Variants in NUP210 observed in about 807,000 individuals in gnomAD.
NUP210 encodes nuclear pore membrane glycoprotein 210.
NUP210 carries 151 observed loss-of-function variants against 196.0 expected under a neutral mutation model. The observed-to-expected ratio is 0.77, with a 90% CI of 0.67 to 0.88. The LOEUF (loss-of-function observed/expected upper bound fraction) is 0.88, where lower values mean the gene tolerates loss of function less well. Ranked by LOEUF, NUP210 falls within the 40% of genes least tolerant of loss-of-function variation. The pLI is 0.00. For synonymous variants in NUP210, 1,070 were observed against 1,052.7 expected, an observed-to-expected ratio of 1.02 and a Z score of -0.32; for missense variants, 2,314 against 2,493.7, an observed-to-expected ratio of 0.93 and a Z score of 1.53.
In NUP210 at chr3:13,321,719, TGGA is replaced by T. The variant is rs1173322965; in HGVS notation, c.5029_5031del (p.Ser1677del). The stretch of plus-strand genomic sequence containing the variant: ...GGCACCTCGGCCCCCACCTGCTCTG[TGGA>T]GAAGTGGCTGCTGGAGAGGGAGGCA... On this transcript the variant is annotated inframe_deletion, in exon 36 of 40. Coordinates refer to ENST00000254508, the MANE Select transcript of NUP210 (RefSeq NM_024923.4). The T allele has an allele frequency of 2.5e-6, 4 of 1,614,028 alleles. No homozygotes were observed. The highest frequency in any genetic ancestry group is 3.4e-6 in the Non-Finnish European group (4 of 1,180,040).
intron 12 of NUP210, among the ~76,000 whole-genome samples, chr3:13,372,992 A>G (rs1265542717): frequency 2.0e-5 from 3 of 152,172 alleles, no homozygotes; most frequent in African/African-American, 7.2e-5. Flanking sequence ...CTCCATGAGA[A>G]TCAGGCCTCA....
At chr3:13,407,064 C>T (rs1700028301) in intron 1 of NUP210, among the ~76,000 whole-genome samples, 1 of 152,230 alleles carries the variant, frequency 6.6e-6, no homozygotes, top group Non-Finnish European at 1.5e-5. Flanking sequence ...GCTAACCTCC[C>T]TGGGCTGCCA....
At chr3:13,395,597 C>G (rs1033666844) in intron 3 of NUP210, among the ~76,000 whole-genome samples, 1 of 152,220 alleles carries the variant, frequency 6.6e-6, no homozygotes, top group Admixed American at 6.5e-5. Context: ...GAATTGCAGG[C>G]ATGAGCCACT....
rs369787977 is a variant in NUP210 at position 13,397,307 on chromosome 3, G to A, written c.436+50C>T. On this transcript the variant is annotated intron_variant, in intron 3 of 39. Transcript: ENST00000254508. ...AGAGAGGCCAGAGTCATGGTGGGGG[G>A]ATGATCTAGCATGGGCTGCAGAAGA... The A allele has an allele frequency of 2.4e-5, 38 of 1,578,774 alleles. No individual in the cohort carries two copies. The African/African-American group carries it at 4.3e-4, about 18-fold the overall frequency.
chr3:13,337,160 A>C, intron 26 of NUP210: 1 of 404,294 alleles, frequency 2.5e-6, no homozygotes, highest in Non-Finnish European at 4.7e-6. Context: ...CAAGATACTC[A>C]TTTCCGGAAG....
chr3:13,397,302 G>C (rs774683005), intron 3 of NUP210, 55 bp downstream of exon 3: 4 of 1,572,296 alleles, frequency 2.5e-6, no homozygotes, highest in Admixed American at 1.9e-5. Flanking sequence ...GAGTCATGGT[G>C]GGGGGATGAT....
In NUP210 at chr3:13,347,235, C is replaced by T. The variant is rs771738994; in HGVS notation, c.2836-3932G>A. The T allele has an allele frequency of 1.6e-5, 16 of 985,132 alleles. No individual in the cohort carries two copies. Among genetic ancestry groups the T allele is most frequent in the Non-Finnish European group, 1.9e-5 (16 of 829,798 alleles). The allele number at this position is 985,132 out of a possible 1,614,324, so 61.0% of individuals were successfully genotyped here. A position where few individuals can be genotyped will look rare whatever the true frequency, so the allele number is the denominator to read the frequency against. On this transcript the variant is annotated intron_variant, in intron 20 of 39. Transcript: ENST00000254508. This position sits in a 1 kb window ranked among gnomAD's most constrained non-coding sequence, Gnocchi z 4.7. ...CCCCGGCTTCATTCCCTCCTGAATCCGCAGTGCTTAACACAGCACCTGGCA... is the reference window on the plus strand; with the variant it reads ...CCCCGGCTTCATTCCCTCCTGAATCTGCAGTGCTTAACACAGCACCTGGCA...
chr3:13,379,531 C>A lies in NUP210; in HGVS notation c.976+32G>T, dbSNP rs544974095. On this transcript the variant is annotated intron_variant, in intron 7 of 39. Transcript: ENST00000254508. The surrounding 1 kb of genome is among the most constrained non-coding windows in gnomAD (Gnocchi z 4.2). ...ACTTCCAAACAGCAGCTCCGCCATG[C>A]CTAAGAACACACAAGCCCAAGAAAA... 14 of 1,613,748 alleles carry A rather than the reference C, an allele frequency of 8.7e-6. No individual in the cohort carries two copies. The highest frequency in any genetic ancestry group is 1.1e-5 in the Non-Finnish European group (13 of 1,179,918).
chr3:13,348,854 G>A lies in NUP210; in HGVS notation c.2835+3025C>T, dbSNP rs1399244564. 10 of 985,296 alleles carry A rather than the reference G, an allele frequency of 1.0e-5. No individual in the cohort carries two copies. In the African/African-American group the frequency reaches 1.6e-4, roughly 15 times the overall value. The allele number at this position is 985,296 out of a possible 1,614,324, so 61.0% of individuals were successfully genotyped here. On this transcript the variant is annotated intron_variant, in intron 20 of 39. Transcript: ENST00000254508. The surrounding 1 kb of genome is among the most constrained non-coding windows in gnomAD (Gnocchi z 4.0). ...TGGAGACCAACATCAAACGCTGAAG[G>A]AAGGTTTTCGAAAACACCCCAAACA...
chr3:13,353,145 C>T (rs912611617), intron 18 of NUP210, among the ~76,000 whole-genome samples: 1 of 152,144 alleles, frequency 6.6e-6, no homozygotes, highest in Non-Finnish European at 1.5e-5. Flanking sequence ...CACGGGACCC[C>T]AGCCTCTTTC....
chr3:13,353,014 G>A (rs903349008), intron 18 of NUP210, among the ~76,000 whole-genome samples: 11 of 151,918 alleles, frequency 7.2e-5, no homozygotes, highest in African/African-American at 2.7e-4. Flanking sequence ...AGGCCGTGAC[G>A]CCCCCTCACT....
intron 3 of NUP210, among the ~76,000 whole-genome samples, chr3:13,392,160 T>G (rs184834241): frequency 6.6e-6 from 1 of 152,294 alleles, no homozygotes; most frequent in Admixed American, 6.5e-5. Context: ...AGCTGTTTTC[T>G]ACAGTGCAAA....
At chr3:13,405,236 C>T (rs149053756) in intron 1 of NUP210, among the ~76,000 whole-genome samples, 38 of 152,228 alleles carry the variant, frequency 2.5e-4, no homozygotes, top group African/African-American at 7.5e-4. Flanking sequence ...AATCAGGTAA[C>T]GGCCTGAACA....
Position 13,330,507 on chromosome 3 carries a change from C to T in NUP210, c.4063G>A (p.Ala1355Thr). 2 of 1,614,220 alleles carry T rather than the reference C, an allele frequency of 1.2e-6. No homozygotes were observed. The highest frequency in any genetic ancestry group is 1.7e-6 in the Non-Finnish European group (2 of 1,180,038). Residue 1355 changes from alanine to threonine, a missense_variant, in exon 30 of 40, where the codon GCA becomes ACA. Coordinates refer to ENST00000254508, the MANE Select transcript of NUP210 (RefSeq NM_024923.4). ...TGGTTGGCCCCAAAGGGCTCTTGTGCAATCACTTCGATGGTGGATGTCCCG... is the reference window on the plus strand; with the variant it reads ...TGGTTGGCCCCAAAGGGCTCTTGTGTAATCACTTCGATGGTGGATGTCCCG... ...MIGTSTIEVI[A>T]QEPFGANQTI...
At chr3:13,334,529 G>C (rs1697130923) in intron 28 of NUP210, among the ~76,000 whole-genome samples, 1 of 152,162 alleles carries the variant, frequency 6.6e-6, no homozygotes, top group Non-Finnish European at 1.5e-5. Context: ...CCTGATCAGG[G>C]AGGTGCTTGG....
rs57651766 is a variant in NUP210 at position 13,413,469 on chromosome 3, C to CAA, written c.167+6589_167+6590dup. Among the ~76,000 whole-genome samples, 482 of 137,340 alleles carry CAA rather than the reference C, an allele frequency of 3.5e-3. 3 individuals are homozygous for CAA. The highest frequency in any genetic ancestry group is 0.011 in the African/African-American group (443 of 38,876). 90.1% of individuals were successfully genotyped at this position (137,340 alleles called of 152,430 possible). On this transcript the variant is annotated intron_variant, in intron 1 of 39. Transcript: ENST00000254508. ...TGGGCGACAGAGCAAGACTCTGTCT[C>CAA]AAAAAAAAAAACAAACAAACAAAAA...
At chr3:13,406,633 T>C (rs550873080) in intron 1 of NUP210, among the ~76,000 whole-genome samples, 1 of 152,266 alleles carries the variant, frequency 6.6e-6, no homozygotes, top group Admixed American at 6.5e-5. Flanking sequence ...TTCACTTGGA[T>C]TCCACATCAA....
chr3:13,355,564 G>A (rs991808440), intron 16 of NUP210, among the ~76,000 whole-genome samples: 33 of 152,198 alleles, frequency 2.2e-4, no homozygotes, highest in Admixed American at 2.0e-4. Flanking sequence ...GCCAGGCCCC[G>A]CCTGCCTGAC....
At position 13,385,348 on chromosome 3, in the gene NUP210, C is replaced by G. The variant is rs78198050; in HGVS notation, c.817+927G>C. ...ACTGAGGCCCTCGGATGGACTGGAC[C>G]TGAGAGCTCTTATGCCCATGACCCT... On this transcript the variant is annotated intron_variant, in intron 6 of 39. Transcript: ENST00000254508. Among the ~76,000 whole-genome samples the G allele has an allele frequency of 2.0e-5, 3 of 152,228 alleles. No individual in the cohort carries two copies. In the East Asian group the frequency reaches 5.8e-4, roughly 29 times the overall value.
Sources: allele counts gnomAD v4.1 joint callset (sites outside exome capture counted in the v4.1 genomes callset), GRCh38; gene constraint gnomAD v4.1.1; non-coding constraint Gnocchi (gnomAD v3.1); transcripts MANE v1.5; gene names NCBI Gene and HGNC (gene_info 2026-07-23, HGNC 2026-07-21).